The following CD96 variants were observed in gnomAD, a reference collection of about 807,000 sequenced individuals.
The protein encoded by CD96 is CD96 molecule.
A neutral mutation model predicts 71.3 loss-of-function variants in CD96; 70 were observed. The observed-to-expected ratio is 0.98, with a 90% CI of 0.81 to 1.20. CD96 has a LOEUF of 1.20. Ranked by LOEUF, CD96 falls within the 50% of genes most tolerant of loss-of-function variation. The pLI is 0.00. For missense variants in CD96, 742 were observed against 677.5 expected, an observed-to-expected ratio of 1.10 and a Z score of -1.06; for synonymous variants, 248 against 233.0, an observed-to-expected ratio of 1.06 and a Z score of -0.59.
intron 6 of CD96, among the ~76,000 whole-genome samples, chr3:111,598,635 T>C (rs1034859337): frequency 6.6e-6 from 1 of 152,234 alleles, no homozygotes; most frequent in African/African-American, 2.4e-5. Flanking sequence ...CAATAAATAA[T>C]TTCTACCTTT....
At chr3:111,642,339 G>C (rs558669184) in intron 12 of CD96, among the ~76,000 whole-genome samples, 1 of 152,252 alleles carries the variant, frequency 6.6e-6, no homozygotes, top group East Asian at 1.9e-4. Context: ...CAGAAATACA[G>C]AAGATCATTC....
At chr3:111,662,043 G>A (rs756275012) in intron 14 of CD96, among the ~76,000 whole-genome samples, 12 of 152,220 alleles carry the variant, frequency 7.9e-5, no homozygotes, top group Admixed American at 3.9e-4. Context: ...GAAATCTAGG[G>A]AGAGGTTCTC....
intron 2 of CD96, among the ~76,000 whole-genome samples, chr3:111,557,362 C>T (rs1295231816): frequency 2.7e-5 from 1 of 36,772 alleles, no homozygotes; most frequent in African/African-American, 1.4e-4. Context: ...ATCTTTAATC[C>T]ATCTTGAATT....
intron 13 of CD96, among the ~76,000 whole-genome samples, chr3:111,648,639 A>G (rs780083505): frequency 3.3e-5 from 5 of 152,234 alleles, no homozygotes; most frequent in Non-Finnish European, 7.3e-5. Flanking sequence ...AGAGCTTTAT[A>G]TTAAATGAAC....
chr3:111,614,073 T>G (rs1938097336), intron 8 of CD96, among the ~76,000 whole-genome samples: 1 of 152,266 alleles, frequency 6.6e-6, no homozygotes, highest in Admixed American at 6.5e-5. Context: ...CATCTGGTCC[T>G]TTTCAGCCAC....
rs577357907 is a variant in CD96, at chr3:111,659,747, A to G, written c.*53-5780A>G. 3.0e-4 allele frequency among the ~76,000 whole-genome samples: 45 copies of G among 152,356 alleles called. 1 individual carries two copies. The highest frequency in any genetic ancestry group is 2.7e-3 in the Admixed American group (41 of 15,306). Reference sequence around the variant, plus strand: ...ATATTCATACCAATAAATAGGATTCACCACATAAACAGAATTAAAAGCAAG... The same window carrying G: ...ATATTCATACCAATAAATAGGATTCGCCACATAAACAGAATTAAAAGCAAG... On this transcript the variant is annotated intron_variant and NMD_transcript_variant, in intron 14 of 14. Transcript: ENST00000494798.
rs770397153 is a variant in CD96, at chr3:111,593,986, G to A, written c.808-4134G>A. On this transcript the variant is annotated intron_variant, in intron 5 of 13. Transcript: ENST00000352690. ...ACAGGCGGCAGGTGGCATACTGGTT[G>A]GGATGGTGCCCAGCACGAGCAGGAG... The A allele has an allele frequency of 2.2e-5, 35 of 1,614,060 alleles. No individual in the cohort carries two copies. The South Asian group carries it at 3.8e-4, about 18-fold the overall frequency.
chr3:111,595,457 A>G (rs182377967), intron 5 of CD96: 5 of 152,312 alleles, frequency 3.3e-5, no homozygotes, highest in African/African-American at 1.2e-4. Context: ...GTTTCCAGGT[A>G]GGTGTGTCTG....
At chr3:111,629,985 C>G (rs543448241) in intron 10 of CD96, among the ~76,000 whole-genome samples, 1 of 152,082 alleles carries the variant, frequency 6.6e-6, no homozygotes, top group Admixed American at 6.6e-5. Flanking sequence ...ATACAATGTA[C>G]CAGAATCTCT....
intron 8 of CD96, among the ~76,000 whole-genome samples, chr3:111,609,759 G>A (rs1460026044): frequency 1.3e-5 from 2 of 152,202 alleles, no homozygotes; most frequent in Non-Finnish European, 2.9e-5. Context: ...TAGTTGGGAA[G>A]TCTGTGCAGA....
chr3:111,585,495 A>G (rs1431782955), intron 5 of CD96, 117 bp downstream of exon 5: 1 of 711,642 alleles, frequency 1.4e-6, no homozygotes, highest in African/African-American at 1.8e-5. Flanking sequence ...TGACCAATTA[A>G]CTGCTAATAG....
At chr3:111,613,195 C>T (rs1938045710) in intron 8 of CD96, among the ~76,000 whole-genome samples, 1 of 152,110 alleles carries the variant, frequency 6.6e-6, no homozygotes, top group Admixed American at 6.5e-5. Flanking sequence ...GGGTGAGATT[C>T]CTCAGGGTAA....
chr3:111,635,789 C>T (rs1939299676), intron 10 of CD96, among the ~76,000 whole-genome samples: 1 of 152,162 alleles, frequency 6.6e-6, no homozygotes, highest in Admixed American at 6.5e-5. Flanking sequence ...TTATCCCATT[C>T]TTTCTTGCAA....
Position 111,648,384 on chromosome 3 carries a change from C to A in CD96, c.1601+718C>A, listed in dbSNP as rs147501966. 7.5e-3 allele frequency among the ~76,000 whole-genome samples: 1,146 copies of A among 152,218 alleles called. 16 individuals carry two copies. The highest frequency in any genetic ancestry group is 0.026 in the African/African-American group (1,087 of 41,526). On this transcript the variant is annotated intron_variant, in intron 13 of 13. Coordinates refer to ENST00000352690, the MANE Select transcript of CD96 (RefSeq NM_005816.5). ...ACCATTGTGCCATATACTTTCCTAC[C>A]TTTTGCAGAGTATCCTTGAAGACTC...
intron 2 of CD96, 37 bp downstream of exon 2, chr3:111,545,439 GCT>G: frequency 7.9e-7 from 1 of 1,272,458 alleles, no homozygotes; most frequent in Non-Finnish European, 1.1e-6. Flanking sequence ...CTTTCATTCA[GCT>G]CTCTCTCATT....
chr3:111,566,276 G>A (rs1012313784), intron 2 of CD96, among the ~76,000 whole-genome samples: 7 of 151,798 alleles, frequency 4.6e-5, no homozygotes, highest in Admixed American at 1.3e-4. Context: ...TAGCTGAATG[G>A]TCAGAAGAAA....
chr3:111,589,711 G>A (rs1461233449), intron 5 of CD96, among the ~76,000 whole-genome samples: 1 of 152,204 alleles, frequency 6.6e-6, no homozygotes, highest in African/African-American at 2.4e-5. Context: ...TTGGGGCCTG[G>A]AAAGTCTTAA....
chr3:111,641,107 A>T (rs947945503), intron 12 of CD96, among the ~76,000 whole-genome samples: 6 of 152,236 alleles, frequency 3.9e-5, no homozygotes, highest in Non-Finnish European at 2.9e-5. Flanking sequence ...AAGTACACAG[A>T]TAACAAAGAG....
Position 111,649,780 on chromosome 3 carries a change from C to T in CD96, c.1684C>T (p.Pro562Ser), listed in dbSNP as rs1939995895. 6.2e-7 allele frequency: 1 copy of T among 1,610,918 alleles called. No homozygotes were observed. The highest frequency in any genetic ancestry group is 8.5e-7 in the Non-Finnish European group (1 of 1,177,118). ...TCAAGAGCCCAACGAAAGTGATCTG[C>T]CTTATCATGAGATGGAGACCCTCTA... ...CIQEPNESDL[P>S]YHEMETL Residue 562 changes from proline (P) to serine (S), a missense_variant, in exon 14 of 14, where the codon CCT becomes TCT. Pro to Ser is a moderately conservative substitution (Grantham distance 74, BLOSUM62 -1). Transcript: ENST00000352690.
Sources: allele counts gnomAD v4.1 joint callset (sites outside exome capture counted in the v4.1 genomes callset), GRCh38; gene constraint gnomAD v4.1.1; transcripts MANE v1.5; gene names NCBI Gene and HGNC (gene_info 2026-07-23, HGNC 2026-07-21).